The following AGBL4 variants were observed in gnomAD, a reference collection of about 807,000 sequenced individuals.
The protein encoded by AGBL4 is cytosolic carboxypeptidase 6.
AGBL4 carries 58 observed loss-of-function variants against 66.4 expected under a neutral mutation model. The ratio of observed to expected loss-of-function variants is 0.87; its 90% CI spans 0.71 to 1.09. The LOEUF is 1.09. Ranked by LOEUF, AGBL4 falls within the 50% of genes least tolerant of loss-of-function variation. AGBL4 has a pLI of 0.00. For missense variants in AGBL4, 579 were observed against 631.0 expected (o/e 0.92, Z 0.88); for synonymous variants, 234 against 222.9 (o/e 1.05, Z -0.44).
intron 3 of AGBL4, among the ~76,000 whole-genome samples, chr1:49,408,428 T>G (rs1293672282): frequency 6.6e-6 from 1 of 152,228 alleles, no homozygotes; most frequent in East Asian, 1.9e-4. Flanking sequence ...GAGCATCAAC[T>G]TGATTAGATA....
chr1:49,518,302 A>G (rs1396492316), intron 3 of AGBL4, among the ~76,000 whole-genome samples: 2 of 152,020 alleles, frequency 1.3e-5, no homozygotes, highest in African/African-American at 2.4e-5. Context: ...CCTCAGCCCA[A>G]TCTTCCCATG....
At chr1:49,550,285 G>C (rs1216687832) in intron 3 of AGBL4, among the ~76,000 whole-genome samples, 2 of 152,196 alleles carry the variant, frequency 1.3e-5, no homozygotes, top group East Asian at 3.8e-4. Context: ...TTCAATGTTA[G>C]TATTGAGATA....
At chr1:49,514,734 A>T (rs552321185) in intron 3 of AGBL4, among the ~76,000 whole-genome samples, 3 of 152,234 alleles carry the variant, frequency 2.0e-5, no homozygotes, top group African/African-American at 7.2e-5. Context: ...ATAATGCTGC[A>T]TATCTACAAC....
intron 7 of AGBL4, among the ~76,000 whole-genome samples, chr1:48,661,876 G>T (rs1231548722): frequency 1.3e-5 from 2 of 152,204 alleles, no homozygotes; most frequent in African/African-American, 4.8e-5. Flanking sequence ...CGCAAGTAAA[G>T]GGGTTGGTAA....
chr1:50,015,860 G>C (rs12142548), intron 1 of AGBL4, among the ~76,000 whole-genome samples: 1,865 of 152,186 alleles, frequency 0.012, 28 homozygotes, highest in Non-Finnish European at 0.015. Context: ...ACAACTATCT[G>C]ATCTTCAACA....
chr1:49,152,599 G>A (rs1193638990), intron 4 of AGBL4, among the ~76,000 whole-genome samples: 1 of 152,186 alleles, frequency 6.6e-6, no homozygotes, highest in Non-Finnish European at 1.5e-5. Flanking sequence ...TGGGGCTGGA[G>A]CCTTAGAAGA....
intron 9 of AGBL4, among the ~76,000 whole-genome samples, chr1:48,630,634 T>C (rs750272577): frequency 2.6e-5 from 4 of 152,210 alleles, no homozygotes; most frequent in African/African-American, 4.8e-5. Context: ...TGTCTCTAGT[T>C]CGGCACCGTC....
At chr1:48,876,420 C>A (rs1362589500) in intron 5 of AGBL4, among the ~76,000 whole-genome samples, 1 of 152,112 alleles carries the variant, frequency 6.6e-6, no homozygotes, top group East Asian at 1.9e-4. Flanking sequence ...CAAGAGGCAG[C>A]GAGAGGAAGG....
chr1:49,612,977 C>A (rs1022936308), intron 3 of AGBL4, among the ~76,000 whole-genome samples: 1 of 152,140 alleles, frequency 6.6e-6, no homozygotes, highest in African/African-American at 2.4e-5. Context: ...AACATGGAAT[C>A]AACTTAGATG....
At chr1:49,014,410 C>A (rs1662665339) in intron 5 of AGBL4, among the ~76,000 whole-genome samples, 3 of 152,198 alleles carry the variant, frequency 2.0e-5, no homozygotes, top group Admixed American at 1.3e-4. Context: ...TCTAGCTCTG[C>A]CACTGAATAC....
At chr1:48,914,265 A>G (rs1653398032) in intron 5 of AGBL4, among the ~76,000 whole-genome samples, 1 of 152,230 alleles carries the variant, frequency 6.6e-6, no homozygotes. Context: ...GCAGAATGCT[A>G]TGTCACAGTA....
intron 1 of AGBL4, among the ~76,000 whole-genome samples, chr1:50,009,353 T>C (rs1021238281): frequency 1.3e-5 from 2 of 152,068 alleles, no homozygotes; most frequent in Non-Finnish European, 2.9e-5. Flanking sequence ...GCAAGGATGG[T>C]TCAACATATG....
At chr1:48,523,044 G>C in the AGBL4 span, among the ~76,000 whole-genome samples, 1 of 152,138 alleles carries the variant, frequency 6.6e-6, no homozygotes, top group Non-Finnish European at 1.5e-5. Context: ...GGGTTGAAGG[G>C]GGTGTTCCTA....
rs78505290 is a variant in AGBL4, at chr1:49,383,646, C to G, written c.283-137782G>C. ...GTCACACTATATCCAAAAATTAACT[C>G]AAAATGAATTAAAGATCTAAATGTA... On this transcript the variant is annotated intron_variant, in intron 3 of 13. Transcript: ENST00000371839. Among the ~76,000 whole-genome samples the G allele has an allele frequency of 2.9e-4, 44 of 152,018 alleles. No homozygotes were observed. The East Asian group carries it at 8.3e-3, about 29-fold the overall frequency.
chr1:49,797,364 T>C (rs1487415882), intron 2 of AGBL4, among the ~76,000 whole-genome samples: 2 of 152,228 alleles, frequency 1.3e-5, no homozygotes, highest in African/African-American at 4.8e-5. Flanking sequence ...AGATTGTTAC[T>C]GTGCCTAGGA....
At chr1:49,658,242 C>A (rs1646189721) in intron 3 of AGBL4, among the ~76,000 whole-genome samples, 1 of 152,110 alleles carries the variant, frequency 6.6e-6, no homozygotes, top group Admixed American at 6.5e-5. Flanking sequence ...ATGCAGCCAA[C>A]AGACACATGA....
intron 3 of AGBL4, among the ~76,000 whole-genome samples, chr1:49,315,952 C>A (rs1645032573): frequency 6.6e-6 from 1 of 151,946 alleles, no homozygotes; most frequent in African/African-American, 2.4e-5. Context: ...CGCTATCAAG[C>A]CATTTAAACA....
intron 1 of AGBL4, among the ~76,000 whole-genome samples, chr1:49,951,118 C>T (rs371758195): frequency 1.3e-5 from 2 of 151,682 alleles, no homozygotes; most frequent in Non-Finnish European, 2.9e-5. Context: ...AAAGGGAATA[C>T]AAAATTTCAG....
intron 1 of AGBL4, among the ~76,000 whole-genome samples, chr1:49,975,603 C>T (rs1189818859): frequency 6.6e-6 from 1 of 152,172 alleles, no homozygotes; most frequent in East Asian, 1.9e-4. Context: ...CCTGTCTTAC[C>T]ACTTCCCATA....
Sources: allele counts gnomAD v4.1 joint callset (sites outside exome capture counted in the v4.1 genomes callset), GRCh38; gene constraint gnomAD v4.1.1; transcripts MANE v1.5; gene names NCBI Gene and HGNC (gene_info 2026-07-23, HGNC 2026-07-21).